The following LGR6 variants were observed in gnomAD, a reference collection of about 807,000 sequenced individuals.
LGR6 encodes leucine rich repeat containing G protein-coupled receptor 6, also known as leucine-rich repeat-containing G protein-coupled receptor 6.
LGR6 carries 45 observed loss-of-function variants against 69.4 expected under a neutral mutation model. The observed-to-expected ratio is 0.65, with a 90% confidence interval of 0.51 to 0.83. LGR6 has a LOEUF of 0.83. LGR6 is among the 40% of genes least tolerant of loss of function. The pLI is 0.00. For missense variants in LGR6, 1,108 were observed against 1,246.7 expected (o/e 0.89, Z 1.68); for synonymous variants, 538 against 555.0 (o/e 0.97, Z 0.43).
At chr1:202,295,408 A>G (rs192791711) in intron 6 of LGR6, among the ~76,000 whole-genome samples, 3 of 152,264 alleles carry the variant, frequency 2.0e-5, no homozygotes, top group South Asian at 4.1e-4. Flanking sequence ...TCTTGCAACA[A>G]TGGAGAATTC....
chr1:202,208,292 GC>G (rs759200020), intron 1 of LGR6, among the ~76,000 whole-genome samples: 9 of 152,144 alleles, frequency 5.9e-5, no homozygotes, highest in Non-Finnish European at 1.3e-4. Flanking sequence ...GTCCTCTGAT[GC>G]CTTTGGGTCT....
At chr1:202,205,951 A>T (rs1659207787) in intron 1 of LGR6, among the ~76,000 whole-genome samples, 1 of 140,896 alleles carries the variant, frequency 7.1e-6, no homozygotes, top group African/African-American at 2.6e-5. Flanking sequence ...TCAAGAACAC[A>T]CACACACACA....
chr1:202,305,573 G>A, intron 11 of LGR6, 111 bp from the exon 12 acceptor site: 7 of 878,598 alleles, frequency 8.0e-6, no homozygotes, highest in Middle Eastern at 6.9e-4. Flanking sequence ...GGTCCCCACA[G>A]CCTTCAGCTA....
chr1:202,239,438 G>A (rs1392789011), intron 4 of LGR6, among the ~76,000 whole-genome samples: 1 of 151,826 alleles, frequency 6.6e-6, no homozygotes, highest in African/African-American at 2.4e-5. Flanking sequence ...TCTGGAGTTA[G>A]ACGTGGTCAT....
chr1:202,237,509 A>C (rs889326263), intron 4 of LGR6, among the ~76,000 whole-genome samples: 4 of 152,238 alleles, frequency 2.6e-5, no homozygotes, highest in African/African-American at 4.8e-5. Flanking sequence ...AAGGTTGTTA[A>C]TTAAGTTTAC....
chr1:202,255,000 G>A (rs1663648604), intron 4 of LGR6, among the ~76,000 whole-genome samples: 1 of 152,178 alleles, frequency 6.6e-6, no homozygotes, highest in African/African-American at 2.4e-5. Context: ...TGGGGGCGCG[G>A]GGATGGGGTG....
intron 4 of LGR6, among the ~76,000 whole-genome samples, chr1:202,253,963 G>A (rs1222856641): frequency 3.6e-4 from 54 of 150,724 alleles, no homozygotes; most frequent in African/African-American, 1.3e-3. Flanking sequence ...CCGCCACTAC[G>A]CCCGGCTAAT....
intron 4 of LGR6, among the ~76,000 whole-genome samples, chr1:202,263,419 C>T (rs775567816): frequency 1.5e-4 from 23 of 152,182 alleles, no homozygotes; most frequent in African/African-American, 4.1e-4. Context: ...CCACCGCGCC[C>T]GGCCAGCATA....
intron 1 of LGR6, among the ~76,000 whole-genome samples, chr1:202,217,041 G>A (rs1399351711): frequency 3.9e-5 from 6 of 152,132 alleles, no homozygotes; most frequent in Admixed American, 3.9e-4. Context: ...CAGCTGTGCC[G>A]GGGAGAGCTA....
intron 14 of LGR6, 147 bp downstream of exon 14, chr1:202,307,548 C>A: frequency 1.5e-6 from 1 of 682,930 alleles, no homozygotes; most frequent in Non-Finnish European, 2.6e-6. Flanking sequence ...TCTGACAATC[C>A]GTTTGACAGA....
In LGR6 at chr1:202,306,914, A is replaced by G; in HGVS notation, c.1183A>G (p.Ser395Gly). 1 of 1,614,116 alleles carries G rather than the reference A, an allele frequency of 6.2e-7. No individual in the cohort carries two copies. The highest frequency in any genetic ancestry group is 2.2e-5 in the East Asian group (1 of 44,878). ...CTGGGAAATTGGAGCTGACACCTTC[A>G]GCCAGCTGAGCTCCCTGCAAGCCCT... ...RIWEIGADTF[S>G]QLSSLQALDL... The change falls in exon 13 of 18, where the codon AGC becomes GGC. Residue 395 changes from serine to glycine, a missense_variant. Transcript: ENST00000367278.
chr1:202,197,900 A>G (rs1425788743), intron 1 of LGR6, among the ~76,000 whole-genome samples: 1 of 152,172 alleles, frequency 6.6e-6, no homozygotes, highest in African/African-American at 2.4e-5. Context: ...AGATGGTGCC[A>G]GAAAAGGTGT....
rs911523564 is a variant in LGR6 at position 202,303,203 on chromosome 1, C to CA, written c.930-72dup. The CA allele has an allele frequency of 1.6e-5, 18 of 1,148,668 alleles. No individual in the cohort carries two copies. The African/African-American group carries it at 2.6e-4, about 16-fold the overall frequency. 71.2% of individuals were successfully genotyped at this position (1,148,668 alleles called of 1,614,324 possible). A position where few individuals can be genotyped will look rare whatever the true frequency, so the allele number is the denominator to read the frequency against. On this transcript the variant is annotated intron_variant, in intron 9 of 17. Coordinates refer to ENST00000367278, the MANE Select transcript of LGR6 (RefSeq NM_001017403.2). ...CAAAGGAGGAGTCCCGGAGGGGAGA[C>CA]AAAATGGAGAATTGAGAGTCTTGAT...
At chr1:202,237,753 C>T (rs1661704423) in intron 4 of LGR6, among the ~76,000 whole-genome samples, 1 of 152,126 alleles carries the variant, frequency 6.6e-6, no homozygotes, top group Admixed American at 6.5e-5. Context: ...GTCCCCCACT[C>T]CCCCAGTTAT....
In LGR6 at chr1:202,310,210, C is replaced by A. The variant is rs1476601187; in HGVS notation, c.1420C>A (p.Pro474Thr). ...SFPKLRILEV[P>T]YAYQCCPYGM... Reference sequence around the variant, plus strand: ...CTCCCCCACCAGGATCCTGGAGGTGCCTTATGCCTACCAGTGCTGTCCCTA... The same window carrying A: ...CTCCCCCACCAGGATCCTGGAGGTGACTTATGCCTACCAGTGCTGTCCCTA... The change falls in exon 16 of 18, where the codon CCT becomes ACT. Residue 474 changes from proline to threonine, a missense_variant. Pro to Thr is a conservative substitution (Grantham distance 38). Coordinates refer to ENST00000367278, the MANE Select transcript of LGR6 (RefSeq NM_001017403.2). 1 of 1,613,994 alleles carries A rather than the reference C, an allele frequency of 6.2e-7. No homozygotes were observed. The highest frequency in any genetic ancestry group is 8.5e-7 in the Non-Finnish European group (1 of 1,179,958).
chr1:202,255,293 G>A (rs554131546), intron 4 of LGR6, among the ~76,000 whole-genome samples: 2 of 152,302 alleles, frequency 1.3e-5, no homozygotes, highest in East Asian at 3.9e-4. Flanking sequence ...AGGCCAGTTA[G>A]GAGATCACTT....
intron 9 of LGR6, 83 bp from the exon 10 acceptor site, chr1:202,303,196 G>A (rs542222552): frequency 3.7e-6 from 4 of 1,070,618 alleles, no homozygotes; most frequent in East Asian, 2.4e-5. Flanking sequence ...GAGTCCCGGA[G>A]GGGAGACAAA....
chr1:202,269,175 G>T (rs1055302696), intron 4 of LGR6, among the ~76,000 whole-genome samples: 3 of 152,052 alleles, frequency 2.0e-5, no homozygotes, highest in African/African-American at 4.8e-5. Flanking sequence ...CAAAGTGCTG[G>T]GATTATAGAC....
intron 16 of LGR6, among the ~76,000 whole-genome samples, chr1:202,313,882 CTGTT>C (rs1039528889): frequency 6.6e-6 from 1 of 152,142 alleles, no homozygotes; most frequent in Admixed American, 6.5e-5. Context: ...GTAAATAAAT[CTGTT>C]AGTTGATGGC....
Sources: allele counts gnomAD v4.1 joint callset (sites outside exome capture counted in the v4.1 genomes callset), GRCh38; gene constraint gnomAD v4.1.1; transcripts MANE v1.5; gene names NCBI Gene and HGNC (gene_info 2026-07-23, HGNC 2026-07-21).